Variants in SKP1 observed in about 807,000 individuals in gnomAD.
The protein encoded by SKP1 is S-phase kinase-associated protein 1.
A neutral mutation model predicts 21.5 loss-of-function variants in SKP1; 1 was observed. The ratio of observed to expected loss-of-function variants is 0.05; its 90% CI spans 0.02 to 0.22. SKP1 has a LOEUF of 0.22. SKP1 is among the 10% of genes least tolerant of loss of function. SKP1 has a pLI of 1.00. For synonymous variants in SKP1, 59 were observed against 59.3 expected (o/e 0.99, Z 0.03); for missense variants, 70 against 192.0 (o/e 0.36, Z 3.76).
intron 4 of SKP1, 81 bp downstream of exon 4, chr5:134,160,906 T>C (rs777590398): frequency 9.7e-5 from 89 of 913,966 alleles, no homozygotes; most frequent in Admixed American, 3.1e-4. Context: ...AAATTCAGTG[T>C]CAATGAAGTT....
At chr5:134,164,272 T>C (rs1369920660) in intron 3 of SKP1, among the ~76,000 whole-genome samples, 1 of 147,902 alleles carries the variant, frequency 6.8e-6, no homozygotes, top group East Asian at 2.0e-4. Flanking sequence ...TGAGCCAAAG[T>C]TGTGCCACTG....
intron 3 of SKP1, 95 bp downstream of exon 3, chr5:134,167,075 T>C: frequency 1.6e-6 from 1 of 643,910 alleles, no homozygotes; most frequent in Non-Finnish European, 2.7e-6. Flanking sequence ...AAGCAGTAAA[T>C]TATAAAATTC....
intron 2 of SKP1, among the ~76,000 whole-genome samples, chr5:134,168,092 T>C (rs917384640): frequency 1.3e-5 from 2 of 152,196 alleles, no homozygotes; most frequent in Non-Finnish European, 2.9e-5. Context: ...CCCAAAACTA[T>C]ATAAACTTGT....
chr5:134,157,939 C>G (rs1418709217), intron 5 of SKP1, 171 bp from the exon 6 acceptor site: 8 of 1,532,964 alleles, frequency 5.2e-6, no homozygotes, highest in Non-Finnish European at 7.0e-6. Context: ...TCTTTGCCTC[C>G]CATGGTTTTT....
chr5:134,169,143 T>C (rs187213291), intron 2 of SKP1, among the ~76,000 whole-genome samples: 4 of 152,214 alleles, frequency 2.6e-5, no homozygotes, highest in Non-Finnish European at 5.9e-5. Context: ...CATCAAATGA[T>C]GTCAACAGGT....
In SKP1 at chr5:134,151,369, G is replaced by C. The variant is rs747385266; in HGVS notation, c.*6364C>G. 4.9e-5 allele frequency: 8 copies of C among 162,322 alleles called. No homozygotes were observed. The highest frequency in any genetic ancestry group is 1.1e-4 in the Non-Finnish European group (8 of 73,576). The allele number at this position is 162,322 out of a possible 1,614,324, so 10.1% of individuals were successfully genotyped here. A position where few individuals can be genotyped will look rare whatever the true frequency, so the allele number is the denominator to read the frequency against. On this transcript the variant is annotated 3_prime_UTR_variant, in exon 6 of 6. Coordinates refer to ENST00000353411, the MANE Select transcript of SKP1 (RefSeq NM_170679.3). Reference sequence around the variant, plus strand: ...CTCTGGAAACCCTGCTTGAGTACTTGAGGATAGAGTACAGCTTCTCTATTT... The same window carrying C: ...CTCTGGAAACCCTGCTTGAGTACTTCAGGATAGAGTACAGCTTCTCTATTT...
In SKP1 at chr5:134,157,041, T is replaced by A. The variant is rs550584492; in HGVS notation, c.*692A>T. 12 of 152,816 alleles carry A rather than the reference T, an allele frequency of 7.9e-5. No individual in the cohort carries two copies. The highest frequency in any genetic ancestry group is 2.4e-4 in the African/African-American group (10 of 41,600). The allele number at this position is 152,816 out of a possible 1,614,324, so 9.5% of individuals were successfully genotyped here. ...AATTATAAAAAGATGACATCCCACA[T>A]GGGTTAAGTGTCTTTTTAATTGAAA... On this transcript the variant is annotated 3_prime_UTR_variant, in exon 6 of 6. Transcript: ENST00000353411.
intron 4 of SKP1, among the ~76,000 whole-genome samples, chr5:134,159,237 TTC>T (rs1278497116): frequency 6.6e-6 from 1 of 152,234 alleles, no homozygotes; most frequent in Non-Finnish European, 1.5e-5. Flanking sequence ...TCAAAATACT[TTC>T]TATTTCTTCT....
chr5:134,167,057 G>A, intron 3 of SKP1, 113 bp downstream of exon 3: 2 of 626,138 alleles, frequency 3.2e-6, no homozygotes, highest in South Asian at 2.1e-5. Context: ...AAATTTAAAT[G>A]TAATTTTAAG....
At chr5:134,162,990 GACTT>G (rs1761247649) in intron 3 of SKP1, among the ~76,000 whole-genome samples, 1 of 151,892 alleles carries the variant, frequency 6.6e-6, no homozygotes, top group Non-Finnish European at 1.5e-5. Context: ...CAAGGTGGGT[GACTT>G]ACTTGAGCCC....
chr5:134,164,399 C>T (rs1354243631), intron 3 of SKP1, among the ~76,000 whole-genome samples: 2 of 147,940 alleles, frequency 1.4e-5, no homozygotes, highest in Non-Finnish European at 3.0e-5. Context: ...ATTTTAAAAA[C>T]AGCTAACTGT....
At chr5:134,175,793 A>T (rs946073800) in intron 1 of SKP1, among the ~76,000 whole-genome samples, 2 of 152,214 alleles carry the variant, frequency 1.3e-5, no homozygotes, top group Non-Finnish European at 2.9e-5. Flanking sequence ...AAAGTGCAAA[A>T]TTTTTAAGTA....
At chr5:134,173,061 G>A (rs995865432) in intron 2 of SKP1, among the ~76,000 whole-genome samples, 3 of 151,280 alleles carry the variant, frequency 2.0e-5, no homozygotes, top group East Asian at 1.9e-4. Flanking sequence ...GGCAGGGCGC[G>A]GTGGCTCACA....
rs373679809 is a variant in SKP1 at position 134,174,036 on chromosome 5, A to G, written c.1-14T>C. On this transcript the variant is annotated splice_polypyrimidine_tract_variant and intron_variant, in intron 1 of 5. Transcript: ENST00000353411. The stretch of plus-strand genomic sequence containing the variant: ...AATTGAAGGCATCTAAAAAAAAAGG[A>G]CATTAAATATAAAATTTAAGAGAGA... 1.4e-6 allele frequency: 2 copies of G among 1,471,234 alleles called. No homozygotes were observed. The highest frequency in any genetic ancestry group is 1.9e-6 in the Non-Finnish European group (2 of 1,049,624). 91.1% of individuals were successfully genotyped at this position (1,471,234 alleles called of 1,614,324 possible).
At chr5:134,168,490 C>T (rs1761376380) in intron 2 of SKP1, among the ~76,000 whole-genome samples, 1 of 152,030 alleles carries the variant, frequency 6.6e-6, no homozygotes, top group African/African-American at 2.4e-5. Context: ...AGAAAATTAT[C>T]CGAATAAAAA....
intron 5 of SKP1, 153 bp downstream of exon 5, chr5:134,158,301 CA>C: frequency 6.6e-7 from 1 of 1,524,100 alleles, no homozygotes; most frequent in Non-Finnish European, 8.7e-7. Context: ...TTCATAAAGA[CA>C]GAACAGTAAG....
rs1293323288 is a variant in SKP1 at position 134,153,719 on chromosome 5, TAAAC to T, written c.*4010_*4013del. On this transcript the variant is annotated 3_prime_UTR_variant, in exon 6 of 6. Coordinates refer to ENST00000353411, the MANE Select transcript of SKP1 (RefSeq NM_170679.3). ...TATTGAGAGCCTAGGCAAATTAACT[TAAAC>T]AAAATTTATGTTGGGATCAGAACAC... 1 of 152,196 alleles carries T rather than the reference TAAAC, an allele frequency of 6.6e-6. No individual in the cohort carries two copies. Among genetic ancestry groups the T allele is most frequent in the African/African-American group, 2.4e-5 (1 of 41,438 alleles). 9.4% of individuals were successfully genotyped at this position (152,196 alleles called of 1,614,324 possible). A position where few individuals can be genotyped will look rare whatever the true frequency, so the allele number is the denominator to read the frequency against.
At position 134,151,867 on chromosome 5, in the gene SKP1, G is replaced by A; in HGVS notation, c.*5866C>T. 1 of 323,250 alleles carries A rather than the reference G, an allele frequency of 3.1e-6. No homozygotes were observed. Among genetic ancestry groups the A allele is most frequent in the Non-Finnish European group, 6.4e-6 (1 of 156,546 alleles). The allele number at this position is 323,250 out of a possible 1,614,324, so 20.0% of individuals were successfully genotyped here. A position where few individuals can be genotyped will look rare whatever the true frequency, so the allele number is the denominator to read the frequency against. ...TCAAACTATGTCCCGCATTGGAAGT[G>A]TGTCAAGCAAGAGCACCTTCGACAA... On this transcript the variant is annotated 3_prime_UTR_variant, in exon 6 of 6. Coordinates refer to ENST00000353411, the MANE Select transcript of SKP1 (RefSeq NM_170679.3).
intron 1 of SKP1, chr5:134,174,575 G>T: frequency 1.7e-6 from 1 of 582,054 alleles, no homozygotes; most frequent in Non-Finnish European, 2.2e-6. Context: ...GCAGATGTGA[G>T]TACAATTCCC....
Sources: gnomAD v4.1 joint callset for allele counts (sites outside exome capture counted in the v4.1 genomes callset) on GRCh38, gnomAD v4.1.1 for gene constraint, MANE v1.5 for transcripts, NCBI Gene and HGNC (gene_info 2026-07-23, HGNC 2026-07-21) for gene names.